NTNG2: variants seen among roughly 807,000 people sequenced by gnomAD.
NTNG2 encodes the protein netrin G2.
NTNG2 carries 15 observed loss-of-function variants against 47.6 expected under a neutral mutation model. The observed-to-expected ratio is 0.32, with a 90% CI of 0.21 to 0.49. The LOEUF is 0.49. NTNG2 is among the 20% of genes least tolerant of loss of function. The pLI, the probability that NTNG2 is intolerant of heterozygous loss-of-function variation, is 0.99. For synonymous variants in NTNG2, 307 were observed against 324.6 expected (o/e 0.95, Z 0.58); for missense variants, 578 against 764.6 (o/e 0.76, Z 2.88).
At chr9:132,174,314 G>GGACA (rs760814464) in intron 2 of NTNG2, among the ~76,000 whole-genome samples, 2 of 118,866 alleles carry the variant, frequency 1.7e-5, no homozygotes, top group East Asian at 5.3e-4. Flanking sequence ...CGGATGAGAC[G>GGACA]GACGGACGGA....
rs1197631973 is a variant in NTNG2, at chr9:132,226,625, G to A, written c.858-224G>A. On this transcript the variant is annotated intron_variant, in intron 3 of 7. Coordinates refer to ENST00000393229, the MANE Select transcript of NTNG2 (RefSeq NM_032536.4). This position sits in a 1 kb window ranked among gnomAD's most constrained non-coding sequence, Gnocchi z 4.8. ...GCATCAGAGCAGAGAGGAGAGCCGC[G>A]CAGTGACTGCAGGTGTGGCCTTTGG... Among the ~76,000 whole-genome samples the A allele has an allele frequency of 6.6e-6, 1 of 152,368 alleles. No homozygotes were observed. The highest frequency in any genetic ancestry group is 1.9e-4 in the East Asian group (1 of 5,190).
At chr9:132,177,216 G>T (rs1027054888) in intron 2 of NTNG2, among the ~76,000 whole-genome samples, 1 of 152,210 alleles carries the variant, frequency 6.6e-6, no homozygotes, top group African/African-American at 2.4e-5. Flanking sequence ...CGAACTCCTG[G>T]CCTCAAACGA....
intron 2 of NTNG2, among the ~76,000 whole-genome samples, chr9:132,194,790 C>T (rs530723978): frequency 2.0e-5 from 3 of 152,346 alleles, no homozygotes; most frequent in East Asian, 3.9e-4. Context: ...GAGGGTCAGC[C>T]CTGCCACCGA....
rs939046843 is a variant in NTNG2 at position 132,163,585 on chromosome 9, G to A, written c.-484+1346G>A. Among the ~76,000 whole-genome samples the A allele has an allele frequency of 2.0e-5, 3 of 152,026 alleles. No individual in the cohort carries two copies. The highest frequency in any genetic ancestry group is 2.9e-5 in the Non-Finnish European group (2 of 67,942). On this transcript the variant is annotated intron_variant, in intron 1 of 7. Transcript: ENST00000393229. This position sits in a 1 kb window ranked among gnomAD's most constrained non-coding sequence, Gnocchi z 7.2. The stretch of plus-strand genomic sequence containing the variant: ...AAAGCAGATTTCACCCCCCTCTGCC[G>A]CCCCTGCCGAGGAGGGAGAGGGAAC...
In NTNG2 at chr9:132,240,871, C is replaced by T. The variant is rs763376478; in HGVS notation, c.1223-39C>T. 5 of 1,612,056 alleles carry T rather than the reference C, an allele frequency of 3.1e-6. No homozygotes were observed. The African/African-American group carries it at 4.0e-5, about 13-fold the overall frequency. ...GGGGTCCGAGAAGACGGCGCCCACA[C>T]GTAGCCCTGACCGCGCGCCCGTGCC... is the stretch of plus-strand genomic sequence containing the variant. On this transcript the variant is annotated intron_variant, in intron 6 of 7. Coordinates refer to ENST00000393229, the MANE Select transcript of NTNG2 (RefSeq NM_032536.4).
rs1835507221 is a variant in NTNG2 at position 132,166,385 on chromosome 9, A to C, written c.-447A>C. On this transcript the variant is annotated 5_prime_UTR_variant, in exon 2 of 8. Coordinates refer to ENST00000393229, the MANE Select transcript of NTNG2 (RefSeq NM_032536.4). The stretch of plus-strand genomic sequence containing the variant: ...GTTTTGCCGTTGTGTTGAGCACGTC[A>C]CCCATTAAGAGCCCTTTAAAGACCT... 1.1e-5 allele frequency: 2 copies of C among 189,760 alleles called. No homozygotes were observed. Among genetic ancestry groups the C allele is most frequent in the African/African-American group, 4.6e-5 (2 of 43,502 alleles). 11.8% of individuals were successfully genotyped at this position (189,760 alleles called of 1,614,324 possible). A position where few individuals can be genotyped will look rare whatever the true frequency, so the allele number is the denominator to read the frequency against.
Position 132,166,982 on chromosome 9 carries a change from A to G in NTNG2, c.151A>G (p.Lys51Glu). 2 of 1,614,236 alleles carry G rather than the reference A, an allele frequency of 1.2e-6. No homozygotes were observed. Among genetic ancestry groups the G allele is most frequent in the Non-Finnish European group, 1.7e-6 (2 of 1,180,042 alleles). ...PKVMRLKDYV[K>E]VKVEPSGITC... The stretch of plus-strand genomic sequence containing the variant: ...GGTGATGCGCCTGAAGGACTACGTC[A>G]AGGTGAAGGTGGAGCCCTCAGGCAT... Residue 51 changes from lysine (K) to glutamate (E), a missense_variant, in exon 2 of 8, where the codon AAG (lysine) becomes GAG (glutamate). Physicochemically the swap from Lys to Glu is moderately conservative, Grantham distance 56. Coordinates refer to ENST00000393229, the MANE Select transcript of NTNG2 (RefSeq NM_032536.4).
At chr9:132,229,345 G>A (rs891051536) in intron 4 of NTNG2, among the ~76,000 whole-genome samples, 1 of 152,034 alleles carries the variant, frequency 6.6e-6, no homozygotes, top group African/African-American at 2.4e-5. Context: ...AAGTCTGGGG[G>A]TCACCTTGAC....
intron 3 of NTNG2, among the ~76,000 whole-genome samples, chr9:132,213,842 T>C (rs1839783071): frequency 6.6e-6 from 1 of 152,206 alleles, no homozygotes; most frequent in Non-Finnish European, 1.5e-5. Context: ...AGTCTCAGTA[T>C]ACACGACATG....
chr9:132,203,960 T>G (rs1838976303), intron 3 of NTNG2, among the ~76,000 whole-genome samples: 1 of 152,056 alleles, frequency 6.6e-6, no homozygotes, highest in Admixed American at 6.5e-5. Context: ...CAGTGGGTGG[T>G]GTTTGTGGGA....
Position 132,241,033 on chromosome 9 carries a change from A to G in NTNG2, c.1346A>G (p.Gln449Arg). Reference protein sequence around the residue: ...DDCLPTHYWRQGCYPNVCDDD... With the variant: ...DDCLPTHYWRRGCYPNVCDDD... ...TGCCTCCCCACGCACTACTGGCGCC[A>G]GGGCTGCTACCGTGAGTGCGCGCCG... is the stretch of plus-strand genomic sequence containing the variant. The change falls in exon 7 of 8, where the codon CAG (glutamine) becomes CGG (arginine). Residue 449 changes from glutamine to arginine, a missense_variant. Coordinates refer to ENST00000393229, the MANE Select transcript of NTNG2 (RefSeq NM_032536.4). The G allele has an allele frequency of 6.2e-7, 1 of 1,602,920 alleles. No homozygotes were observed. The highest frequency in any genetic ancestry group is 1.1e-5 in the South Asian group (1 of 90,554).
At chr9:132,192,000 G>T (rs1764492373) in intron 2 of NTNG2, among the ~76,000 whole-genome samples, 1 of 152,232 alleles carries the variant, frequency 6.6e-6, no homozygotes, top group South Asian at 2.1e-4. Flanking sequence ...TCAAAGGGCG[G>T]CTTTGGAGCC....
rs144209257 is a variant in NTNG2 at position 132,176,717 on chromosome 9, G to A, written c.213+9673G>A. 2.3e-3 allele frequency among the ~76,000 whole-genome samples: 345 copies of A among 152,318 alleles called. 4 individuals are homozygous for A. Among genetic ancestry groups the A allele is most frequent in the Non-Finnish European group, 7.8e-4 (53 of 68,040 alleles). On this transcript the variant is annotated intron_variant, in intron 2 of 7. Coordinates refer to ENST00000393229, the MANE Select transcript of NTNG2 (RefSeq NM_032536.4). ...TCTTGGCTGTCTACCTAAAAGTGGA[G>A]TTTCTGGGTCACAAGGTAATTCTAT...
chr9:132,217,026 G>A (rs1012863721), intron 3 of NTNG2, among the ~76,000 whole-genome samples: 9 of 152,278 alleles, frequency 5.9e-5, no homozygotes, highest in Admixed American at 2.6e-4. Flanking sequence ...TGAGAGAGAC[G>A]CAGGCAGCAG....
rs1410118612 is a variant in NTNG2 at position 132,242,721 on chromosome 9, C to CTATTTTTGTTTG, written c.*615_*626dup. The CTATTTTTGTTTG allele has an allele frequency of 6.6e-6, 1 of 152,252 alleles. No homozygotes were observed. The highest frequency in any genetic ancestry group is 1.5e-5 in the Non-Finnish European group (1 of 68,058). 9.4% of individuals were successfully genotyped at this position (152,252 alleles called of 1,614,324 possible). A position where few individuals can be genotyped will look rare whatever the true frequency, so the allele number is the denominator to read the frequency against. On this transcript the variant is annotated 3_prime_UTR_variant, in exon 8 of 8. Coordinates refer to ENST00000393229, the MANE Select transcript of NTNG2 (RefSeq NM_032536.4). This position sits in a 1 kb window ranked among gnomAD's most constrained non-coding sequence, Gnocchi z 5.9. ...CCTGGAAACTTCGTTCTGTAGAGAA[C>CTATTTTTGTTTG]TATTTTTGTTTGTATTCACTGTCCC...
intron 2 of NTNG2, among the ~76,000 whole-genome samples, chr9:132,192,657 G>A (rs940735695): frequency 6.6e-6 from 1 of 152,128 alleles, no homozygotes; most frequent in Non-Finnish European, 1.5e-5. Flanking sequence ...TGTTTGTAGA[G>A]GAAAAGGAAG....
intron 3 of NTNG2, among the ~76,000 whole-genome samples, chr9:132,209,861 G>A (rs1839455933): frequency 6.7e-6 from 1 of 150,112 alleles, no homozygotes; most frequent in African/African-American, 2.5e-5. Flanking sequence ...GGGAGGCGCG[G>A]CAGCGTTGGC....
At chr9:132,207,563 T>C (rs1487604187) in intron 3 of NTNG2, among the ~76,000 whole-genome samples, 1 of 152,206 alleles carries the variant, frequency 6.6e-6, no homozygotes, top group Non-Finnish European at 1.5e-5. Context: ...CAGCTTAACT[T>C]ACATCCTCAT....
chr9:132,222,458 A>G (rs7031517), intron 3 of NTNG2, among the ~76,000 whole-genome samples: 1,633 of 152,098 alleles, frequency 0.011, 26 homozygotes, highest in African/African-American at 0.037. Flanking sequence ...TATTTATTTC[A>G]GCTTGGTGTT....
Sources: allele counts gnomAD v4.1 joint callset (sites outside exome capture counted in the v4.1 genomes callset), GRCh38; gene constraint gnomAD v4.1.1; non-coding constraint Gnocchi (gnomAD v3.1); transcripts MANE v1.5; gene names NCBI Gene and HGNC (gene_info 2026-07-23, HGNC 2026-07-21).